The following RSBN1L variants were observed in gnomAD, a reference collection of about 807,000 sequenced individuals.
RSBN1L encodes the protein round spermatid basic protein 1 like.
Under a neutral mutation model 67.7 loss-of-function variants are expected in RSBN1L, and 30 were observed. The observed-to-expected ratio is 0.44, with a 90% CI of 0.33 to 0.60. The LOEUF (loss-of-function observed/expected upper bound fraction) is 0.60. RSBN1L is among the 20% of genes least tolerant of loss of function. RSBN1L has a pLI of 0.02. For synonymous variants in RSBN1L, 433 were observed against 387.0 expected, an observed-to-expected ratio of 1.12 and a Z score of -1.39; for missense variants, 992 against 1,031.7, an observed-to-expected ratio of 0.96 and a Z score of 0.53.
chr7:77,709,643 T>C (rs530466239), intron 1 of RSBN1L, among the ~76,000 whole-genome samples: 1 of 152,262 alleles, frequency 6.6e-6, no homozygotes, highest in African/African-American at 2.4e-5. Context: ...TCTTAGTTCC[T>C]AGGTAAGCAA....
chr7:77,720,928 T>C (rs969452087), intron 1 of RSBN1L, among the ~76,000 whole-genome samples: 14 of 152,000 alleles, frequency 9.2e-5, no homozygotes, highest in African/African-American at 3.4e-4. Flanking sequence ...GGCTACATTT[T>C]GTATTTTTAG....
chr7:77,752,256 C>G (rs1304761604), intron 3 of RSBN1L, among the ~76,000 whole-genome samples: 1 of 152,098 alleles, frequency 6.6e-6, no homozygotes, highest in African/African-American at 2.4e-5. Context: ...TGTTTTTTAC[C>G]AGTTGTGGTT....
chr7:77,766,957 G>A (rs936762821), intron 4 of RSBN1L, among the ~76,000 whole-genome samples: 3 of 151,800 alleles, frequency 2.0e-5, no homozygotes, highest in African/African-American at 7.3e-5. Flanking sequence ...TTAAATGGTT[G>A]CTTCAAGTTT....
Position 77,781,559 on chromosome 7 carries a change from A to G in RSBN1L, c.*2391A>G, listed in dbSNP as rs1026970751. On this transcript the variant is annotated 3_prime_UTR_variant, in exon 8 of 8. Coordinates refer to ENST00000334955, the MANE Select transcript of RSBN1L (RefSeq NM_198467.3). ...GAAAATGTCTTTAGGGTATCCCTCC[A>G]AAATAGGAGCCTTAAACTTTTTAAC... 1 of 152,236 alleles carries G rather than the reference A, an allele frequency of 6.6e-6. No individual in the cohort carries two copies. The highest frequency in any genetic ancestry group is 1.5e-5 in the Non-Finnish European group (1 of 68,032). 9.4% of individuals were successfully genotyped at this position (152,236 alleles called of 1,614,324 possible).
chr7:77,709,152 T>TTGTG (rs67322019), intron 1 of RSBN1L, among the ~76,000 whole-genome samples: 39 of 142,460 alleles, frequency 2.7e-4, no homozygotes, highest in African/African-American at 6.7e-4. Context: ...GGGATTCTGT[T>TTGTG]TGTGTGTGTG....
At chr7:77,745,083 G>A (rs903668930) in intron 2 of RSBN1L, among the ~76,000 whole-genome samples, 3 of 152,058 alleles carry the variant, frequency 2.0e-5, no homozygotes, top group Admixed American at 2.0e-4. Flanking sequence ...ACAACATGGT[G>A]AAACCCTGTC....
intron 2 of RSBN1L, among the ~76,000 whole-genome samples, chr7:77,740,635 G>A (rs1791396191): frequency 6.6e-6 from 1 of 152,110 alleles, no homozygotes; most frequent in African/African-American, 2.4e-5. Context: ...TCTGAATTTT[G>A]TTTTTCACTT....
chr7:77,699,796 AT>A (rs374246949), intron 1 of RSBN1L, among the ~76,000 whole-genome samples: 412 of 142,388 alleles, frequency 2.9e-3, no homozygotes, highest in Middle Eastern at 7.2e-3. Context: ...AACAGTTTAG[AT>A]TTTTTTTTTT....
chr7:77,712,944 TAAAC>T (rs1256693988), intron 1 of RSBN1L, among the ~76,000 whole-genome samples: 4 of 152,336 alleles, frequency 2.6e-5, no homozygotes, highest in South Asian at 2.1e-4. Context: ...TCGTGAAAGA[TAAAC>T]AATTTGCTGT....
intron 1 of RSBN1L, among the ~76,000 whole-genome samples, chr7:77,712,276 A>G (rs987371795): frequency 2.0e-5 from 3 of 151,722 alleles, no homozygotes; most frequent in African/African-American, 4.8e-5. Flanking sequence ...AATCTTATAT[A>G]TACATACATG....
chr7:77,772,951 C>T (rs991026621), intron 5 of RSBN1L, among the ~76,000 whole-genome samples, 196 bp from the exon 6 acceptor site: 5 of 152,144 alleles, frequency 3.3e-5, no homozygotes, highest in Admixed American at 1.3e-4. Flanking sequence ...TTCCTTACAA[C>T]TGTTCCTGTT....
intron 1 of RSBN1L, among the ~76,000 whole-genome samples, chr7:77,711,635 G>A (rs1790976553): frequency 6.6e-6 from 1 of 152,172 alleles, no homozygotes; most frequent in African/African-American, 2.4e-5. Context: ...GAGCCAAAGT[G>A]CCCAGCCTGT....
intron 3 of RSBN1L, among the ~76,000 whole-genome samples, chr7:77,764,417 C>T (rs1430588080): frequency 6.6e-6 from 1 of 152,140 alleles, no homozygotes; most frequent in Non-Finnish European, 1.5e-5. Flanking sequence ...GTGCACATGG[C>T]TTTGTTTTGG....
intron 2 of RSBN1L, among the ~76,000 whole-genome samples, chr7:77,747,177 G>T (rs891196465): frequency 3.3e-5 from 5 of 152,180 alleles, no homozygotes; most frequent in African/African-American, 1.2e-4. Flanking sequence ...AACCATAAAG[G>T]TTTGGAAAAT....
rs1040179113 is a variant in RSBN1L, at chr7:77,732,413, A to G, written c.587-3997A>G. On this transcript the variant is annotated intron_variant, in intron 1 of 7. Coordinates refer to ENST00000334955, the MANE Select transcript of RSBN1L (RefSeq NM_198467.3). ...AGTGGCGCCATCTTAGTTCACTGCA[A>G]CCTCTGCCTCCTGGGTTCCAGTGAT... is the stretch of plus-strand genomic sequence containing the variant. Among the ~76,000 whole-genome samples, 7 of 152,044 alleles carry G rather than the reference A, an allele frequency of 4.6e-5. No individual in the cohort carries two copies. The East Asian group carries it at 1.2e-3, about 25-fold the overall frequency.
intron 2 of RSBN1L, 146 bp downstream of exon 2, chr7:77,736,672 A>G (rs1735475051): frequency 2.6e-6 from 1 of 380,216 alleles, no homozygotes; most frequent in Non-Finnish European, 4.9e-6. Flanking sequence ...AAATGTAACA[A>G]CGGAGAGTTC....
chr7:77,767,523 A>G (rs1057013827), intron 4 of RSBN1L, among the ~76,000 whole-genome samples: 1 of 151,310 alleles, frequency 6.6e-6, no homozygotes, highest in South Asian at 2.1e-4. Context: ...ACAGACACAC[A>G]CTACCATGCT....
At chr7:77,716,917 C>T (rs1421588914) in intron 1 of RSBN1L, among the ~76,000 whole-genome samples, 1 of 150,790 alleles carries the variant, frequency 6.6e-6, no homozygotes, top group African/African-American at 2.4e-5. Context: ...AGGCATGAGG[C>T]ATGAGGCATG....
intron 1 of RSBN1L, among the ~76,000 whole-genome samples, chr7:77,705,809 G>T (rs1307711668): frequency 1.3e-5 from 2 of 152,010 alleles, no homozygotes; most frequent in African/African-American, 4.8e-5. Context: ...GCCTGTAATG[G>T]TTCATTTTTA....
Sources: allele counts gnomAD v4.1 joint callset (sites outside exome capture counted in the v4.1 genomes callset), GRCh38; gene constraint gnomAD v4.1.1; transcripts MANE v1.5; gene names NCBI Gene and HGNC (gene_info 2026-07-23, HGNC 2026-07-21).